The following GLMN variants were observed in gnomAD, a reference collection of about 807,000 sequenced individuals.
The protein encoded by GLMN is glomulin.
GLMN carries 75 observed loss-of-function variants against 87.8 expected under a neutral mutation model. That is an observed-to-expected ratio of 0.85 (90% CI 0.71 to 1.04). The LOEUF is 1.04. Ranked by LOEUF, GLMN falls within the 50% of genes least tolerant of loss-of-function variation. The pLI is 0.00. For missense variants in GLMN, 588 were observed against 658.8 expected (o/e 0.89, Z 1.18); for synonymous variants, 206 against 221.6 (o/e 0.93, Z 0.63).
chr1:92,348,801 A>G, the GLMN span, among the ~76,000 whole-genome samples: 1 of 152,200 alleles, frequency 6.6e-6, no homozygotes, highest in African/African-American at 2.4e-5. Flanking sequence ...GTATAATTAT[A>G]CTTTAATGTG....
chr1:92,293,323 T>A (rs991709342), intron 3 of GLMN, among the ~76,000 whole-genome samples: 2 of 152,140 alleles, frequency 1.3e-5, no homozygotes, highest in African/African-American at 4.8e-5. Flanking sequence ...GGCAAGGATG[T>A]GGAGAAAAGG....
At chr1:92,363,100 T>G in the GLMN span, among the ~76,000 whole-genome samples, 1 of 152,268 alleles carries the variant, frequency 6.6e-6, no homozygotes, top group South Asian at 2.1e-4. Context: ...AATAAAAGCC[T>G]TTTTATAATT....
chr1:92,259,573 G>C (rs192973266), intron 16 of GLMN, among the ~76,000 whole-genome samples: 1 of 152,032 alleles, frequency 6.6e-6, no homozygotes, highest in Non-Finnish European at 1.5e-5. Context: ...TAATCTTCCT[G>C]TTCATATTTC....
the GLMN span, among the ~76,000 whole-genome samples, chr1:92,356,460 C>T: frequency 2.0e-5 from 3 of 151,908 alleles, no homozygotes; most frequent in Non-Finnish European, 4.4e-5. Context: ...CTCTATCACC[C>T]AGGCTGCAGT....
upstream of GLMN, chr1:92,299,079 G>C (rs911039728): frequency 7.3e-6 from 11 of 1,507,552 alleles, no homozygotes; most frequent in East Asian, 2.6e-4. Flanking sequence ...CCCCCATGGC[G>C]GACTTCGCTG....
At chr1:92,259,978 G>T (rs948329892) in intron 16 of GLMN, among the ~76,000 whole-genome samples, 42 of 151,810 alleles carry the variant, frequency 2.8e-4, no homozygotes, top group African/African-American at 9.9e-4. Context: ...TTCATGAACC[G>T]CCCGCCTTGG....
chr1:92,323,686 G>A, the GLMN span: 3 of 1,613,736 alleles, frequency 1.9e-6, no homozygotes, highest in African/African-American at 2.7e-5. Flanking sequence ...TGGTCACAAA[G>A]CTAACTCCAA....
At chr1:92,362,564 A>G in the GLMN span, among the ~76,000 whole-genome samples, 1 of 152,208 alleles carries the variant, frequency 6.6e-6, no homozygotes, top group Non-Finnish European at 1.5e-5. Context: ...AGATGGGAAC[A>G]TATCAGAATA....
intron 5 of GLMN, among the ~76,000 whole-genome samples, 196 bp from the exon 6 acceptor site, chr1:92,289,347 A>G (rs1352375178): frequency 1.3e-5 from 2 of 152,200 alleles, no homozygotes. Flanking sequence ...TTGCCATGAA[A>G]TGCTGTTTAG....
chr1:92,267,018 T>C (rs1427024187), intron 11 of GLMN, among the ~76,000 whole-genome samples: 2 of 152,180 alleles, frequency 1.3e-5, no homozygotes, highest in African/African-American at 4.8e-5. Context: ...AAATCAAATC[T>C]ACAGAAATAT....
chr1:92,248,197 C>T (rs1352635970), intron 16 of GLMN: 2 of 467,872 alleles, frequency 4.3e-6, no homozygotes, highest in Middle Eastern at 5.8e-4. Flanking sequence ...CTTATCACTG[C>T]ACCATTTGGA....
At chr1:92,354,701 C>A in the GLMN span, among the ~76,000 whole-genome samples, 1 of 151,886 alleles carries the variant, frequency 6.6e-6, no homozygotes, top group Non-Finnish European at 1.5e-5. Flanking sequence ...TCTCTGTTTT[C>A]TAGATAGTAG....
intron 16 of GLMN, among the ~76,000 whole-genome samples, chr1:92,258,741 C>T (rs1053511420): frequency 4.6e-5 from 7 of 151,928 alleles, no homozygotes; most frequent in African/African-American, 9.7e-5. Context: ...CATCACACAC[C>T]GGGGCCTGTC....
At chr1:92,309,128 C>T in the GLMN span, among the ~76,000 whole-genome samples, 5 of 151,906 alleles carry the variant, frequency 3.3e-5, no homozygotes, top group East Asian at 7.7e-4. Context: ...CCCTTCACTA[C>T]CTCACTAAAA....
intron 6 of GLMN, among the ~76,000 whole-genome samples, chr1:92,287,752 A>G (rs1379188754): frequency 6.6e-6 from 1 of 151,586 alleles, no homozygotes; most frequent in Non-Finnish European, 1.5e-5. Context: ...AGGTCTTGCT[A>G]TGTTGCCCAG....
chr1:92,333,518 A>G, the GLMN span: 1 of 1,318,632 alleles, frequency 7.6e-7, no homozygotes, highest in South Asian at 1.2e-5. Flanking sequence ...GTTTTAAATT[A>G]ACTTGACATT....
intron 16 of GLMN, among the ~76,000 whole-genome samples, chr1:92,251,663 A>G (rs1488312267): frequency 6.6e-6 from 1 of 152,208 alleles, no homozygotes; most frequent in African/African-American, 2.4e-5. Context: ...GAATATTTGC[A>G]AAAATATAAC....
intron 16 of GLMN, among the ~76,000 whole-genome samples, chr1:92,260,992 A>G (rs1654981913): frequency 6.6e-6 from 1 of 152,168 alleles, no homozygotes; most frequent in Non-Finnish European, 1.5e-5. Context: ...CCTAATCAAC[A>G]AGATTCCTTT....
At chr1:92,249,321 G>C (rs1653131228) in intron 16 of GLMN, among the ~76,000 whole-genome samples, 1 of 141,784 alleles carries the variant, frequency 7.1e-6, no homozygotes, top group African/African-American at 2.6e-5. Flanking sequence ...GGATGTTTTA[G>C]TTGTATAATT....
Sources: gnomAD v4.1 joint callset for allele counts (sites outside exome capture counted in the v4.1 genomes callset) on GRCh38, gnomAD v4.1.1 for gene constraint, MANE v1.5 for transcripts, NCBI Gene and HGNC (gene_info 2026-07-23, HGNC 2026-07-21) for gene names.